MTRES1: variants seen among roughly 807,000 people sequenced by gnomAD.
The protein encoded by MTRES1 is uncharacterized protein C6orf203.
Under a neutral mutation model 17.4 loss-of-function variants are expected in MTRES1, and 11 were observed. The ratio of observed to expected loss-of-function variants is 0.63; its 90% CI spans 0.40 to 1.05. The LOEUF (loss-of-function observed/expected upper bound fraction) is 1.05. Ranked by LOEUF, MTRES1 falls within the 50% of genes least tolerant of loss-of-function variation. MTRES1 has a pLI of 0.00. For synonymous variants in MTRES1, 94 were observed against 99.6 expected (o/e 0.94, Z 0.34); for missense variants, 268 against 276.2 (o/e 0.97, Z 0.21).
intron 1 of MTRES1, among the ~76,000 whole-genome samples, chr6:107,029,171 G>A (rs112633755): frequency 0.11 from 15,991 of 146,736 alleles, 1,194 homozygotes; most frequent in Non-Finnish European, 0.16. Context: ...GACTACAGGC[G>A]CACACCGCCA....
chr6:107,037,245 T>G (rs1279308354), intron 1 of MTRES1, among the ~76,000 whole-genome samples: 1 of 152,102 alleles, frequency 6.6e-6, no homozygotes, highest in Non-Finnish European at 1.5e-5. Flanking sequence ...AATTTTTGTA[T>G]TTTGAGTAGA....
chr6:107,033,912 C>T (rs970660777), intron 1 of MTRES1, among the ~76,000 whole-genome samples: 2 of 152,196 alleles, frequency 1.3e-5, no homozygotes, highest in Admixed American at 6.6e-5. Context: ...AAATGGTCAT[C>T]ATCTCCAGCA....
intron 3 of MTRES1, among the ~76,000 whole-genome samples, chr6:107,048,983 G>A (rs1439436526): frequency 6.6e-6 from 1 of 151,940 alleles, no homozygotes; most frequent in Non-Finnish European, 1.5e-5. Flanking sequence ...CCCTCTGTGA[G>A]TTTTATATCC....
intron 3 of MTRES1, among the ~76,000 whole-genome samples, chr6:107,044,752 C>G (rs187414221): frequency 3.7e-4 from 56 of 152,262 alleles, no homozygotes; most frequent in Admixed American, 3.4e-3. Flanking sequence ...TGAGTGCTTG[C>G]TGGATGCACG....
intron 1 of MTRES1, among the ~76,000 whole-genome samples, chr6:107,036,283 C>T (rs1392292845): frequency 6.6e-6 from 1 of 152,142 alleles, no homozygotes; most frequent in Non-Finnish European, 1.5e-5. Context: ...GTGGCTCACA[C>T]CTATAATCTC....
intron 1 of MTRES1, among the ~76,000 whole-genome samples, chr6:107,033,259 T>C (rs1773901771): frequency 6.6e-6 from 1 of 152,054 alleles, no homozygotes; most frequent in Non-Finnish European, 1.5e-5. Context: ...AAATGTGTAG[T>C]GTTGGTGCAA....
At chr6:107,048,704 T>C (rs1456967783) in intron 3 of MTRES1, among the ~76,000 whole-genome samples, 1 of 144,612 alleles carries the variant, frequency 6.9e-6, no homozygotes, top group African/African-American at 2.6e-5. Flanking sequence ...CACTTGAAAC[T>C]GGGAGGTGGA....
Position 107,051,054 on chromosome 6 carries a change from C to T in MTRES1, c.544-3C>T. The T allele has an allele frequency of 6.2e-7, 1 of 1,602,704 alleles. No homozygotes were observed. Among genetic ancestry groups the T allele is most frequent in the South Asian group, 1.1e-5 (1 of 89,298 alleles). The stretch of plus-strand genomic sequence containing the variant: ...CAAGCCTCTGTTTTCTTTTAATTTT[C>T]AGGTGAAAGTGGGAGATACATTGGA... On this transcript the variant is annotated splice_region_variant and splice_polypyrimidine_tract_variant and intron_variant, in intron 3 of 3. Coordinates refer to ENST00000311381, the MANE Select transcript of MTRES1 (RefSeq NM_016487.5).
At chr6:107,030,397 G>T (rs1554226300) in intron 1 of MTRES1, among the ~76,000 whole-genome samples, 1 of 152,182 alleles carries the variant, frequency 6.6e-6, no homozygotes, top group Non-Finnish European at 1.5e-5. Flanking sequence ...GGACTCAAAA[G>T]ACTCAGCACG....
At chr6:107,049,817 G>C (rs1434182168) in intron 3 of MTRES1, among the ~76,000 whole-genome samples, 1 of 151,026 alleles carries the variant, frequency 6.6e-6, no homozygotes, top group Non-Finnish European at 1.5e-5. Context: ...TGCCTCCTGG[G>C]TTCAAGTGAT....
rs150701394 is a variant in MTRES1, at chr6:107,043,353, T to C, written c.471-907T>C. 4.2e-3 allele frequency among the ~76,000 whole-genome samples: 623 copies of C among 148,834 alleles called. 7 individuals carry two copies. The highest frequency in any genetic ancestry group is 0.014 in the African/African-American group (584 of 40,584). ...CATCTCAAAAAAAAAAAAAAAGTAA[T>C]GGCAAGTGTTTATCTCAAACTTGTA... On this transcript the variant is annotated intron_variant, in intron 2 of 3. Coordinates refer to ENST00000311381, the MANE Select transcript of MTRES1 (RefSeq NM_016487.5).
At chr6:107,041,660 G>T (rs1441151755) in intron 2 of MTRES1, among the ~76,000 whole-genome samples, 1 of 151,946 alleles carries the variant, frequency 6.6e-6, no homozygotes, top group Non-Finnish European at 1.5e-5. Context: ...CGAGTAGTTG[G>T]GAATACAGGC....
intron 1 of MTRES1, among the ~76,000 whole-genome samples, chr6:107,037,262 G>A (rs1341472752): frequency 6.6e-6 from 1 of 152,080 alleles, no homozygotes; most frequent in African/African-American, 2.4e-5. Context: ...TAGAGATGGG[G>A]TTTCACCATG....
chr6:107,040,212 G>A lies in MTRES1; in HGVS notation c.452G>A (p.Gly151Glu). Residue 151 changes from glycine to glutamate, a missense_variant, in exon 2 of 4, where the codon GGG (glycine) becomes GAG (glutamate). Physicochemically the swap from Gly to Glu is moderately conservative, Grantham distance 98. Coordinates refer to ENST00000311381, the MANE Select transcript of MTRES1 (RefSeq NM_016487.5). ...CGGTATGATGTTGTCCTGAAGACGG[G>A]GCTAGATATTGGGAGAAAGTGAGTA... ...SFRYDVVLKT[G>E]LDIGRNKVED... is the part of the protein sequence containing the mutation. 1 of 1,591,250 alleles carries A rather than the reference G, an allele frequency of 6.3e-7. No individual in the cohort carries two copies.
In MTRES1 at chr6:107,049,435, A is replaced by T. The variant is rs1309071423; in HGVS notation, c.544-1622A>T. ...TTTTTTTTTTTTTTTTTTTTTGGAG[A>T]CGGAGTCTCGCTCTGTCGCCCAGGC... On this transcript the variant is annotated intron_variant, in intron 3 of 3. Coordinates refer to ENST00000311381, the MANE Select transcript of MTRES1 (RefSeq NM_016487.5). 1.1e-4 allele frequency among the ~76,000 whole-genome samples: 11 copies of T among 99,282 alleles called. No homozygotes were observed. The East Asian group carries it at 2.6e-3, about 24-fold the overall frequency. The allele number at this position is 99,282 out of a possible 152,430, so 65.1% of individuals were successfully genotyped here.
chr6:107,037,932 T>C (rs1774065962), intron 1 of MTRES1, among the ~76,000 whole-genome samples: 2 of 152,146 alleles, frequency 1.3e-5, no homozygotes, highest in South Asian at 4.1e-4. Flanking sequence ...TTGGCCAGGC[T>C]GGTCTTGAAC....
At chr6:107,044,172 C>T (rs7767291) in intron 2 of MTRES1, 88 bp from the exon 3 acceptor site, 478,309 of 849,572 alleles carry the variant, frequency 0.56, 141,497 homozygotes, top group Middle Eastern at 0.65. Context: ...AGTTTTGTTA[C>T]GTGGATATAC....
intron 1 of MTRES1, among the ~76,000 whole-genome samples, chr6:107,029,707 C>T (rs1773769003): frequency 2.0e-5 from 3 of 150,732 alleles, no homozygotes; most frequent in African/African-American, 7.3e-5. Flanking sequence ...TGGTCTTGAA[C>T]TCCTGGCCTC....
intron 3 of MTRES1, among the ~76,000 whole-genome samples, chr6:107,047,764 T>C (rs1774440693): frequency 6.6e-6 from 1 of 151,904 alleles, no homozygotes; most frequent in South Asian, 2.1e-4. Flanking sequence ...CAGGCTCCTG[T>C]AATTCCAGCT....
Sources: allele counts gnomAD v4.1 joint callset (sites outside exome capture counted in the v4.1 genomes callset), GRCh38; gene constraint gnomAD v4.1.1; transcripts MANE v1.5; gene names NCBI Gene and HGNC (gene_info 2026-07-23, HGNC 2026-07-21).